The following GSTCD variants were observed in gnomAD, a reference collection of about 807,000 sequenced individuals.
GSTCD encodes glutathione S-transferase C-terminal domain-containing protein.
Under a neutral mutation model 68.3 loss-of-function variants are expected in GSTCD, and 44 were observed. That is an observed-to-expected ratio of 0.64 (90% CI 0.51 to 0.83). The LOEUF (loss-of-function observed/expected upper bound fraction) is 0.83. GSTCD is among the 40% of genes least tolerant of loss of function. The probability of loss-of-function intolerance (pLI) is 0.00; values close to 1 mark genes in which losing one functional copy is unlikely to be tolerated. For missense variants in GSTCD, 739 were observed against 735.9 expected (o/e 1.00, Z -0.05); for synonymous variants, 273 against 255.2 (o/e 1.07, Z -0.67).
chr4:105,844,382 G>A (rs1031278300), intron 11 of GSTCD, among the ~76,000 whole-genome samples: 2 of 152,176 alleles, frequency 1.3e-5, no homozygotes, highest in Non-Finnish European at 2.9e-5. Context: ...TTTATTCTTT[G>A]TGGGATGGGC....
chr4:105,779,589 G>T (rs1015420627), intron 5 of GSTCD, among the ~76,000 whole-genome samples: 1 of 152,100 alleles, frequency 6.6e-6, no homozygotes, highest in Non-Finnish European at 1.5e-5. Flanking sequence ...TTTGTCAAGT[G>T]TATTTATTGT....
chr4:105,833,173 AT>A (rs1351526845), intron 8 of GSTCD, among the ~76,000 whole-genome samples: 1 of 152,116 alleles, frequency 6.6e-6, no homozygotes, highest in East Asian at 1.9e-4. Context: ...GGTTTATAAT[AT>A]TTTACTTTCG....
intron 9 of GSTCD, among the ~76,000 whole-genome samples, chr4:105,835,574 C>G (rs999283654): frequency 1.4e-4 from 21 of 152,110 alleles, no homozygotes; most frequent in Non-Finnish European, 4.4e-5. Context: ...GAGGGTATCA[C>G]AGCCCTGGCT....
At chr4:105,824,182 T>C (rs1454412701) in intron 7 of GSTCD, among the ~76,000 whole-genome samples, 1 of 152,140 alleles carries the variant, frequency 6.6e-6, no homozygotes, top group East Asian at 1.9e-4. Context: ...GAATAACATG[T>C]AACAGAATGA....
chr4:105,808,594 ATACTGTAGCCCCTGGC>A (rs1334106703), intron 5 of GSTCD, among the ~76,000 whole-genome samples: 1 of 152,118 alleles, frequency 6.6e-6, no homozygotes. Flanking sequence ...AAAGCTTTGC[ATACTGTAGCCCCTGGC>A]TACTTCTTTG....
In GSTCD at chr4:105,816,559, T is replaced by G. The variant is rs1424918874; in HGVS notation, c.1241-6395T>G. 2.0e-5 allele frequency among the ~76,000 whole-genome samples: 3 copies of G among 152,092 alleles called. No homozygotes were observed. The East Asian group carries it at 5.8e-4, about 29-fold the overall frequency. On this transcript the variant is annotated intron_variant, in intron 5 of 11. Transcript: ENST00000515279. ...ATAAGTCTGCTCTTGAAAATTTTAT[T>G]TAGAGGAAAAACTGAAGTAAAATAC...
chr4:105,710,382 G>C (rs1026783793), intron 1 of GSTCD, among the ~76,000 whole-genome samples: 8 of 147,654 alleles, frequency 5.4e-5, no homozygotes, highest in African/African-American at 2.0e-4. Flanking sequence ...AATCACACTC[G>C]GCTCCTTTTT....
At chr4:105,788,935 A>G (rs17036225) in intron 5 of GSTCD, among the ~76,000 whole-genome samples, 8,189 of 152,126 alleles carry the variant, frequency 0.054, 273 homozygotes, top group Middle Eastern at 0.14. Context: ...CTCCCCATTA[A>G]CAAGACATTT....
chr4:105,823,181 A>G (rs1723399182), intron 6 of GSTCD, 50 bp from the exon 7 acceptor site: 3 of 1,602,016 alleles, frequency 1.9e-6, no homozygotes, highest in East Asian at 4.5e-5. Context: ...CAGAATGAGG[A>G]AAAGCTGTGG....
At chr4:105,755,939 A>G (rs1734171877) in intron 5 of GSTCD, among the ~76,000 whole-genome samples, 2 of 150,246 alleles carry the variant, frequency 1.3e-5, no homozygotes, top group South Asian at 2.1e-4. Flanking sequence ...ACCATGTGAT[A>G]TGGGTACATG....
intron 5 of GSTCD, among the ~76,000 whole-genome samples, chr4:105,808,291 A>G (rs1722602746): frequency 6.6e-6 from 1 of 152,070 alleles, no homozygotes; most frequent in Non-Finnish European, 1.5e-5. Context: ...AAAACAATAT[A>G]TGGCAGTTTG....
At chr4:105,789,204 A>G (rs1735573601) in intron 5 of GSTCD, among the ~76,000 whole-genome samples, 1 of 152,184 alleles carries the variant, frequency 6.6e-6, no homozygotes, top group East Asian at 1.9e-4. Flanking sequence ...CGTTTAAACC[A>G]AACTCTTTAT....
At chr4:105,782,443 G>A (rs891658542) in intron 5 of GSTCD, among the ~76,000 whole-genome samples, 1 of 152,124 alleles carries the variant, frequency 6.6e-6, no homozygotes, top group Admixed American at 6.5e-5. Flanking sequence ...AGTGAGCCAT[G>A]TTCATGCCAC....
chr4:105,741,923 GATA>G (rs140481540), intron 5 of GSTCD, among the ~76,000 whole-genome samples: 4,763 of 152,220 alleles, frequency 0.031, 91 homozygotes, highest in Non-Finnish European at 0.05. Context: ...AACATTGCAT[GATA>G]ATAAGATCTT....
chr4:105,770,278 G>A lies in GSTCD; in HGVS notation c.1240+40779G>A, dbSNP rs190702192. Among the ~76,000 whole-genome samples, 332 of 150,802 alleles carry A rather than the reference G, an allele frequency of 2.2e-3. 2 individuals are homozygous for A. The highest frequency in any genetic ancestry group is 9.1e-3 in the East Asian group (47 of 5,158). On this transcript the variant is annotated intron_variant, in intron 5 of 11. Coordinates refer to ENST00000515279, the MANE Select transcript of GSTCD (RefSeq NM_001370181.1). Reference sequence around the variant, plus strand: ...CTTTTACTTAGCGTTTAGACTGAGCGTCTTCTATTTTAGCATTTCCCCGCG... The same window carrying A: ...CTTTTACTTAGCGTTTAGACTGAGCATCTTCTATTTTAGCATTTCCCCGCG...
intron 5 of GSTCD, among the ~76,000 whole-genome samples, chr4:105,800,973 A>G (rs978114714): frequency 6.6e-6 from 1 of 152,116 alleles, no homozygotes; most frequent in African/African-American, 2.4e-5. Flanking sequence ...ATCTAACATA[A>G]ATTTTCTCTA....
chr4:105,731,143 A>G (rs1318189043), intron 5 of GSTCD, among the ~76,000 whole-genome samples: 1 of 152,102 alleles, frequency 6.6e-6, no homozygotes, highest in Non-Finnish European at 1.5e-5. Context: ...GCCTTGTAGT[A>G]TAGTTTGAAG....
intron 5 of GSTCD, among the ~76,000 whole-genome samples, chr4:105,811,771 C>T (rs1037984860): frequency 6.6e-6 from 1 of 152,026 alleles, no homozygotes; most frequent in African/African-American, 2.4e-5. Context: ...AACACATTTG[C>T]ATTTTAGAAG....
intron 9 of GSTCD, among the ~76,000 whole-genome samples, chr4:105,835,633 C>CCTTCTCT (rs1466012399): frequency 6.6e-6 from 1 of 152,048 alleles, no homozygotes; most frequent in Non-Finnish European, 1.5e-5. Flanking sequence ...TCTCTTCTCT[C>CCTTCTCT]CTTCTCTCTT....
Sources: allele counts gnomAD v4.1 joint callset (sites outside exome capture counted in the v4.1 genomes callset), GRCh38; gene constraint gnomAD v4.1.1; transcripts MANE v1.5; gene names NCBI Gene and HGNC (gene_info 2026-07-23, HGNC 2026-07-21).